Variants in ALK observed in about 807,000 individuals in gnomAD.
ALK encodes ALK receptor tyrosine kinase.
Under a neutral mutation model 163.1 loss-of-function variants are expected in ALK, and 74 were observed. That is an observed-to-expected ratio of 0.45 (90% CI 0.38 to 0.55). ALK has a LOEUF of 0.55. Ranked by LOEUF, ALK falls within the 20% of genes least tolerant of loss-of-function variation. The pLI is 0.00. For missense variants in ALK, 2,063 were observed against 2,105.3 expected (o/e 0.98, Z 0.39); for synonymous variants, 960 against 843.2 (o/e 1.14, Z -2.40).
intron 3 of ALK, among the ~76,000 whole-genome samples, chr2:29,548,364 T>A (rs561544451): frequency 2.0e-5 from 3 of 151,932 alleles, no homozygotes; most frequent in Non-Finnish European, 4.4e-5. Flanking sequence ...TCCCAGCTAC[T>A]CCGGAGGTTG....
At chr2:29,531,103 G>A (rs943097762) in intron 4 of ALK, among the ~76,000 whole-genome samples, 3 of 152,198 alleles carry the variant, frequency 2.0e-5, no homozygotes, top group African/African-American at 7.2e-5. Context: ...TTCTGAAAAG[G>A]TATTCTCTTA....
intron 2 of ALK, among the ~76,000 whole-genome samples, chr2:29,707,685 T>C (rs1678952219): frequency 6.6e-6 from 1 of 152,130 alleles, no homozygotes; most frequent in African/African-American, 2.4e-5. Flanking sequence ...AATACTAGTG[T>C]GATTAAAGGC....
chr2:29,868,642 G>A (rs1439072256), intron 1 of ALK, among the ~76,000 whole-genome samples: 1 of 152,098 alleles, frequency 6.6e-6, no homozygotes, highest in Non-Finnish European at 1.5e-5. Context: ...AATAGTCTAA[G>A]CCTTATGCTC....
At chr2:29,611,220 G>A (rs1168146111) in intron 3 of ALK, among the ~76,000 whole-genome samples, 2 of 152,176 alleles carry the variant, frequency 1.3e-5, no homozygotes, top group Admixed American at 1.3e-4. Context: ...AGAGTGATAG[G>A]CATTATTTGG....
chr2:29,893,353 G>A (rs1483185247), intron 1 of ALK, among the ~76,000 whole-genome samples: 1 of 152,100 alleles, frequency 6.6e-6, no homozygotes, highest in Non-Finnish European at 1.5e-5. Context: ...CTGACTTTCT[G>A]CCATGCAGCC....
chr2:29,908,496 C>G (rs1667611251), intron 1 of ALK, among the ~76,000 whole-genome samples: 1 of 152,226 alleles, frequency 6.6e-6, no homozygotes, highest in Non-Finnish European at 1.5e-5. Context: ...CAAATTACCT[C>G]CTTCTGGAAG....
At chr2:29,539,997 T>A (rs1418400471) in intron 3 of ALK, among the ~76,000 whole-genome samples, 1 of 152,164 alleles carries the variant, frequency 6.6e-6, no homozygotes, top group Non-Finnish European at 1.5e-5. Flanking sequence ...TCAGTTAGAA[T>A]CTGTTTTCTT....
intron 4 of ALK, among the ~76,000 whole-genome samples, chr2:29,463,357 T>TA (rs1671132030): frequency 6.6e-6 from 1 of 152,218 alleles, no homozygotes; most frequent in East Asian, 1.9e-4. Context: ...GTAGATATGG[T>TA]ATGTTTCATA....
At chr2:29,214,184 C>G (rs2148159872) in intron 23 of ALK, 103 bp from the exon 24 acceptor site, 1 of 936,020 alleles carries the variant, frequency 1.1e-6, no homozygotes, top group Non-Finnish European at 1.7e-6. Flanking sequence ...AGACCGTGAA[C>G]ATGCAGCTAC....
Position 29,318,536 on chromosome 2 carries a change from C to A in ALK, c.1547-132G>T, listed in dbSNP as rs1311950894. The A allele has an allele frequency of 1.3e-5, 9 of 688,726 alleles. No homozygotes were observed. The East Asian group carries it at 2.4e-4, about 18-fold the overall frequency. The allele number at this position is 688,726 out of a possible 1,614,324, so 42.7% of individuals were successfully genotyped here. On this transcript the variant is annotated intron_variant, in intron 7 of 28. Transcript: ENST00000389048. The stretch of plus-strand genomic sequence containing the variant: ...TTTGAGGAAACAGGTTTCTGGCCTG[C>A]AATGGAGAAGAAAGCCCACCTGTCA...
At chr2:29,647,715 A>G (rs1350517542) in intron 3 of ALK, among the ~76,000 whole-genome samples, 1 of 147,026 alleles carries the variant, frequency 6.8e-6, no homozygotes, top group Non-Finnish European at 1.5e-5. Flanking sequence ...AGGGCTTCCT[A>G]TTGCTCAGAG....
At chr2:29,908,062 A>G (rs182937028) in intron 1 of ALK, among the ~76,000 whole-genome samples, 18 of 152,214 alleles carry the variant, frequency 1.2e-4, no homozygotes, top group Non-Finnish European at 2.1e-4. Context: ...AGCCCTCTCT[A>G]CATCCAGGCC....
intron 3 of ALK, among the ~76,000 whole-genome samples, chr2:29,680,294 T>C (rs1432086260): frequency 2.0e-5 from 3 of 152,108 alleles, no homozygotes; most frequent in Non-Finnish European, 4.4e-5. Flanking sequence ...TTCTCTCTTA[T>C]AGGACTTCTA....
chr2:29,569,403 A>G (rs1573463788), intron 3 of ALK, among the ~76,000 whole-genome samples: 1 of 152,178 alleles, frequency 6.6e-6, no homozygotes, highest in Non-Finnish European at 1.5e-5. Flanking sequence ...CTAATAATGC[A>G]TTACTTGGGT....
chr2:29,605,645 G>A (rs1284672866), intron 3 of ALK, among the ~76,000 whole-genome samples: 3 of 152,152 alleles, frequency 2.0e-5, no homozygotes, highest in Non-Finnish European at 4.4e-5. Flanking sequence ...GGCCGTCTAC[G>A]AGCCAGGAAG....
At chr2:29,632,664 T>C (rs1181036128) in intron 3 of ALK, among the ~76,000 whole-genome samples, 1 of 152,066 alleles carries the variant, frequency 6.6e-6, no homozygotes, top group Non-Finnish European at 1.5e-5. Context: ...ATTAGTCCAT[T>C]TTCACGCTGC....
intron 4 of ALK, among the ~76,000 whole-genome samples, chr2:29,401,781 T>A (rs1669452273): frequency 6.6e-6 from 1 of 152,184 alleles, no homozygotes; most frequent in Admixed American, 6.5e-5. Flanking sequence ...AGTGTGGAAA[T>A]AATTGAAGTC....
At chr2:29,419,245 G>C (rs1669958966) in intron 4 of ALK, among the ~76,000 whole-genome samples, 1 of 151,252 alleles carries the variant, frequency 6.6e-6, no homozygotes, top group South Asian at 2.1e-4. Context: ...AGTAGAGACA[G>C]GGTTTCACCA....
At chr2:29,203,338 T>A (rs1669227843) in intron 26 of ALK, among the ~76,000 whole-genome samples, 1 of 152,046 alleles carries the variant, frequency 6.6e-6, no homozygotes, top group African/African-American at 2.4e-5. Flanking sequence ...TCTTGCATTG[T>A]CTTCTTATGT....
Sources: gnomAD v4.1 joint callset for allele counts (sites outside exome capture counted in the v4.1 genomes callset) on GRCh38, gnomAD v4.1.1 for gene constraint, MANE v1.5 for transcripts, NCBI Gene and HGNC (gene_info 2026-07-23, HGNC 2026-07-21) for gene names.